COL7A1: variants seen among roughly 807,000 people sequenced by gnomAD.
COL7A1 encodes the protein collagen alpha-1(VII) chain.
A neutral mutation model predicts 456.2 loss-of-function variants in COL7A1; 296 were observed. The ratio of observed to expected loss-of-function variants is 0.65; its 90% CI spans 0.59 to 0.71. The LOEUF (loss-of-function observed/expected upper bound fraction) is 0.71, where lower values mean the gene tolerates loss of function less well. Among genes scored for constraint, COL7A1 ranks in the 30% least tolerant of loss-of-function variants. COL7A1 has a pLI of 0.00. For synonymous variants in COL7A1, 1,464 were observed against 1,525.9 expected (o/e 0.96, Z 0.95); for missense variants, 3,441 against 4,017.2 (o/e 0.86, Z 3.88).
rs2045276475 is a variant in COL7A1, at chr3:48,586,557, C to A, written c.3403+6G>T. On this transcript the variant is annotated splice_donor_region_variant and intron_variant, in intron 26 of 118. Transcript: ENST00000681320. This position sits in a 1 kb window ranked among gnomAD's most constrained non-coding sequence, Gnocchi z 5.1. ...CCCAGGAGTCCATGCCTGCTGCAGT[C>A]CTCACCCAGGTTGTTCCCACTTGGG... The A allele has an allele frequency of 1.2e-6, 2 of 1,613,742 alleles. No homozygotes were observed. Among genetic ancestry groups the A allele is most frequent in the Middle Eastern group, 1.6e-4 (1 of 6,062 alleles).
In COL7A1 at chr3:48,591,479, C is replaced by A; in HGVS notation, c.1621G>T (p.Val541Leu). ...TCCACCTCACCCTGGGTGCTGCGCA[C>A]AATGATGCGGTACTGGGTGGCACCA... ...VPGATQYRIIVRSTQGVERTL... is the reference protein window; with the variant it reads ...VPGATQYRIILRSTQGVERTL... The change falls in exon 13 of 119, where the codon GTG becomes TTG. Residue 541 changes from valine to leucine, a missense_variant. By Grantham distance (32) the Val-to-Leu change is conservative. Around this residue, in one of 3 missense-constraint regions of COL7A1, gnomAD observed 913 missense variants for 1,088.2 expected, o/e 0.84. Transcript: ENST00000681320. The surrounding 1 kb of genome is among the most constrained non-coding windows in gnomAD (Gnocchi z 7.0). 2 of 1,613,920 alleles carry A rather than the reference C, an allele frequency of 1.2e-6. No homozygotes were observed. Among genetic ancestry groups the A allele is most frequent in the Non-Finnish European group, 8.5e-7 (1 of 1,179,970 alleles).
chr3:48,565,369 G>C lies in COL7A1; in HGVS notation c.8527+41C>G. ...TCATGGACACCCATGTGCGTGTCTCGGCCCCACCCATAGCTGCCCCACGGG... is the reference window on the plus strand; with the variant it reads ...TCATGGACACCCATGTGCGTGTCTCCGCCCCACCCATAGCTGCCCCACGGG... On this transcript the variant is annotated intron_variant, in intron 116 of 118. Coordinates refer to ENST00000681320, the MANE Select transcript of COL7A1 (RefSeq NM_000094.4). This position sits in a 1 kb window ranked among gnomAD's most constrained non-coding sequence, Gnocchi z 4.5. 6.4e-7 allele frequency: 1 copy of C among 1,573,112 alleles called. No individual in the cohort carries two copies. Among genetic ancestry groups the C allele is most frequent in the Non-Finnish European group, 8.6e-7 (1 of 1,157,846 alleles).
At position 48,565,154 on chromosome 3, in the gene COL7A1, A is replaced by C; in HGVS notation, c.8575T>G (p.Ser2859Ala). 6.2e-7 allele frequency: 1 copy of C among 1,614,042 alleles called. No homozygotes were observed. The highest frequency in any genetic ancestry group is 1.7e-4 in the Middle Eastern group (1 of 6,060). Residue 2859 changes from serine to alanine, a missense_variant, in exon 117 of 119, where the codon TCT (serine) becomes GCT (alanine). Physicochemically the swap from Ser to Ala is moderately conservative, Grantham distance 99 (BLOSUM62 1). This residue lies in a region of COL7A1 where 2,084 missense variants were observed against 2,501.3 expected (regional missense o/e 0.83). Coordinates refer to ENST00000681320, the MANE Select transcript of COL7A1 (RefSeq NM_000094.4). The surrounding 1 kb of genome is among the most constrained non-coding windows in gnomAD (Gnocchi z 4.5). ...DDEYSEYSEY[S>A]VEEYQDPEAP... The stretch of plus-strand genomic sequence containing the variant: ...TCAGGGTCCTGGTACTCCTCCACAG[A>C]ATACTCGGAGTATTCAGAGTACTCA...
In COL7A1 at chr3:48,588,223, G is replaced by C; in HGVS notation, c.2710+59C>G. ...CATCACTGTCCTCGCCTACCTTGCG[G>C]AGTCTGCCACAGCCCTGCCCCCAAT... On this transcript the variant is annotated intron_variant, in intron 21 of 118. Coordinates refer to ENST00000681320, the MANE Select transcript of COL7A1 (RefSeq NM_000094.4). This position sits in a 1 kb window ranked among gnomAD's most constrained non-coding sequence, Gnocchi z 4.6. 1 of 1,611,918 alleles carries C rather than the reference G, an allele frequency of 6.2e-7. No homozygotes were observed. Among genetic ancestry groups the C allele is most frequent in the Non-Finnish European group, 8.5e-7 (1 of 1,179,682 alleles).
chr3:48,566,936 T>G lies in COL7A1; in HGVS notation c.8197A>C (p.Arg2733=). ...PPGPPGSVGP[R]GPEGLQGQKG... ...TGGCCCTGAAGTCCTTCGGGGCCTC[T>G]GGGACCAACACTGCCAGGTGGCCCT... The change falls in exon 111 of 119, where the codon AGA becomes CGA. Residue 2733 remains arginine (R), a synonymous_variant. Coordinates refer to ENST00000681320, the MANE Select transcript of COL7A1 (RefSeq NM_000094.4). This position sits in a 1 kb window ranked among gnomAD's most constrained non-coding sequence, Gnocchi z 5.9. The G allele has an allele frequency of 6.2e-7, 1 of 1,609,806 alleles. No individual in the cohort carries two copies. The highest frequency in any genetic ancestry group is 8.5e-7 in the Non-Finnish European group (1 of 1,177,130).
rs1056718888 is a variant in COL7A1, at chr3:48,590,602, A to G, written c.1781-18T>C. On this transcript the variant is annotated intron_variant, in intron 14 of 118. Transcript: ENST00000681320. The surrounding 1 kb of genome is among the most constrained non-coding windows in gnomAD (Gnocchi z 4.6). ...TTCCGGCTCTAGGAGTTACAGACAG[A>G]AGTCAGAAGTCAGAACCAGGACCAG... 1.9e-6 allele frequency: 3 copies of G among 1,613,964 alleles called. No individual in the cohort carries two copies. The African/African-American group carries it at 4.0e-5, about 22-fold the overall frequency.
In COL7A1 at chr3:48,579,776, C is replaced by T. The variant is rs1196200077; in HGVS notation, c.5154+9G>A. 2 of 1,614,066 alleles carry T rather than the reference C, an allele frequency of 1.2e-6. No individual in the cohort carries two copies. Among genetic ancestry groups the T allele is most frequent in the Non-Finnish European group, 1.7e-6 (2 of 1,180,024 alleles). ...GTCTTTCTTACCCTCCACCCACAGA[C>T]CCTAATACCTTCTCTCTGGCTCCAG... On this transcript the variant is annotated intron_variant, in intron 58 of 118. Coordinates refer to ENST00000681320, the MANE Select transcript of COL7A1 (RefSeq NM_000094.4). This position sits in a 1 kb window ranked among gnomAD's most constrained non-coding sequence, Gnocchi z 4.4.
Position 48,567,814 on chromosome 3 carries a change from C to A in COL7A1, c.7929+24G>T, listed in dbSNP as rs765926458. On this transcript the variant is annotated intron_variant, in intron 107 of 118. Coordinates refer to ENST00000681320, the MANE Select transcript of COL7A1 (RefSeq NM_000094.4). The surrounding 1 kb of genome is among the most constrained non-coding windows in gnomAD (Gnocchi z 4.3). Reference sequence around the variant, plus strand: ...GCCTTAGGCCCCAGGCCACGTAGCCCCCCAGCCCCCATCCCCTCTGTACCT... The same window carrying A: ...GCCTTAGGCCCCAGGCCACGTAGCCACCCAGCCCCCATCCCCTCTGTACCT... 6.2e-7 allele frequency: 1 copy of A among 1,614,150 alleles called. No homozygotes were observed.
rs770409173 is a variant in COL7A1 at position 48,575,292 on chromosome 3, C to G, written c.6180+47G>C. 13 of 1,611,400 alleles carry G rather than the reference C, an allele frequency of 8.1e-6. No individual in the cohort carries two copies. The highest frequency in any genetic ancestry group is 1.1e-5 in the Non-Finnish European group (13 of 1,177,742). ...GCCAAGCCCATGGGGGGTCCCACCC[C>G]TCCCAACCCCTCTTCCCTCACTCTC... On this transcript the variant is annotated intron_variant, in intron 74 of 118. Transcript: ENST00000681320. This position sits in a 1 kb window ranked among gnomAD's most constrained non-coding sequence, Gnocchi z 6.3.
Position 48,583,962 on chromosome 3 carries a change from G to C in COL7A1, c.4225-9C>G, listed in dbSNP as rs373161985. ...CCTGGTCCAGGGGGACCCTGGGAGA[G>C]AACAGCAGGTCAGGGAATGAACAGG... On this transcript the variant is annotated splice_polypyrimidine_tract_variant and intron_variant, in intron 38 of 118. Coordinates refer to ENST00000681320, the MANE Select transcript of COL7A1 (RefSeq NM_000094.4). This position sits in a 1 kb window ranked among gnomAD's most constrained non-coding sequence, Gnocchi z 5.1. 3.8e-5 allele frequency: 62 copies of C among 1,613,940 alleles called. No individual in the cohort carries two copies. Among genetic ancestry groups the C allele is most frequent in the African/African-American group, 6.7e-5 (5 of 74,900 alleles).
Position 48,594,491 on chromosome 3 carries a change from G to A in COL7A1, c.143C>T (p.Ser48Phe). The change falls in exon 3 of 119, where the codon TCC becomes TTC. Residue 48 changes from serine to phenylalanine, a missense_variant. By Grantham distance (155) the Ser-to-Phe change is radical. Coordinates refer to ENST00000681320, the MANE Select transcript of COL7A1 (RefSeq NM_000094.4). This position sits in a 1 kb window ranked among gnomAD's most constrained non-coding sequence, Gnocchi z 5.5. ...CTCGCGGAAATTGCTGCGGCCAATG[G>A]ATGAGGAGCCATCCAGTAAGAACAC... is the stretch of plus-strand genomic sequence containing the variant. ...DIVFLLDGSSSIGRSNFREVR... is the reference protein window; with the variant it reads ...DIVFLLDGSSFIGRSNFREVR... 1 of 1,612,296 alleles carries A rather than the reference G, an allele frequency of 6.2e-7. No individual in the cohort carries two copies. Among genetic ancestry groups the A allele is most frequent in the East Asian group, 2.2e-5 (1 of 44,894 alleles).
At position 48,591,810 on chromosome 3, in the gene COL7A1, G is replaced by C; in HGVS notation, c.1370C>G (p.Pro457Arg). 6.2e-7 allele frequency: 1 copy of C among 1,614,138 alleles called. No homozygotes were observed. Among genetic ancestry groups the C allele is most frequent in the South Asian group, 1.1e-5 (1 of 91,084 alleles). ...ATCAGAGGGCAGTACCACCTTCTGCGGTGGCTCCAAGCCTGCAAGATAACA... is the reference window on the plus strand; with the variant it reads ...ATCAGAGGGCAGTACCACCTTCTGCCGTGGCTCCAAGCCTGCAAGATAACA... Reference protein sequence around the residue: ...EWRRETGLEPPQKVVLPSDVT... With the variant: ...EWRRETGLEPRQKVVLPSDVT... Residue 457 changes from proline to arginine, a missense_variant, in exon 12 of 119, where the codon CCG (proline) becomes CGG (arginine). Physicochemically the swap from Pro to Arg is moderately radical, Grantham distance 103. Coordinates refer to ENST00000681320, the MANE Select transcript of COL7A1 (RefSeq NM_000094.4). The surrounding 1 kb of genome is among the most constrained non-coding windows in gnomAD (Gnocchi z 7.0).
At position 48,583,222 on chromosome 3, in the gene COL7A1, G is replaced by A. The variant is rs1335718490; in HGVS notation, c.4438-51C>T. 1 of 1,610,058 alleles carries A rather than the reference G, an allele frequency of 6.2e-7. No homozygotes were observed. Among genetic ancestry groups the A allele is most frequent in the East Asian group, 2.2e-5 (1 of 44,714 alleles). On this transcript the variant is annotated intron_variant, in intron 42 of 118. Coordinates refer to ENST00000681320, the MANE Select transcript of COL7A1 (RefSeq NM_000094.4). This position sits in a 1 kb window ranked among gnomAD's most constrained non-coding sequence, Gnocchi z 5.1. ...CAGAGAGAGAGAGGGTTGGTGGCGG[G>A]GCTTGAACGTCAAACCCCAGACAAG...
In COL7A1 at chr3:48,581,268, C is replaced by A; in HGVS notation, c.4891G>T (p.Gly1631Ter). 1.2e-6 allele frequency: 2 copies of A among 1,613,432 alleles called. No homozygotes were observed. Among genetic ancestry groups the A allele is most frequent in the Non-Finnish European group, 1.7e-6 (2 of 1,179,826 alleles). ...PGPPGPVGPRGRDGEVGEKGD... is the reference protein window; with the variant it reads ...PGPPGPVGPR ...CGACTCCAGCCTCTTACATCTCGTC[C>A]TCGGGGGCCAACAGGTCCTGGGGGG... Residue 1631 changes from glycine (G) to a stop codon, truncating the protein, a stop_gained, in exon 52 of 119, where the codon GGA becomes TGA. Transcript: ENST00000681320. LOFTEE classifies it high-confidence loss of function. This position sits in a 1 kb window ranked among gnomAD's most constrained non-coding sequence, Gnocchi z 5.8.
In COL7A1 at chr3:48,575,617, T is replaced by C; in HGVS notation, c.5979+9A>G. 1 of 1,613,136 alleles carries C rather than the reference T, an allele frequency of 6.2e-7. No individual in the cohort carries two copies. Among genetic ancestry groups the C allele is most frequent in the Non-Finnish European group, 8.5e-7 (1 of 1,180,000 alleles). Reference sequence around the variant, plus strand: ...ACGGGGCACAACCCACTGAGCCACTTCTGCTCACCTCCTTGCCTGGGGGGC... The same window carrying C: ...ACGGGGCACAACCCACTGAGCCACTCCTGCTCACCTCCTTGCCTGGGGGGC... On this transcript the variant is annotated intron_variant, in intron 73 of 118. Transcript: ENST00000681320. This position sits in a 1 kb window ranked among gnomAD's most constrained non-coding sequence, Gnocchi z 6.3.
chr3:48,595,240 G>A (rs2046001924), intron 1 of COL7A1, 28 bp downstream of exon 1: 13 of 1,172,278 alleles, frequency 1.1e-5, no homozygotes, highest in East Asian at 2.6e-5. Context: ...CGAGCCCAGC[G>A]CCCCTCCAGC....
Position 48,580,460 on chromosome 3 carries a change from G to T in COL7A1, c.5053-116C>A. ...AGCCTTCAGATGCGTGTGTGCAGGGGTCAAAGGAAGTGAAGATTGGGAGGG... is the reference window on the plus strand; with the variant it reads ...AGCCTTCAGATGCGTGTGTGCAGGGTTCAAAGGAAGTGAAGATTGGGAGGG... On this transcript the variant is annotated intron_variant, in intron 55 of 118. Coordinates refer to ENST00000681320, the MANE Select transcript of COL7A1 (RefSeq NM_000094.4). This position sits in a 1 kb window ranked among gnomAD's most constrained non-coding sequence, Gnocchi z 4.5. The T allele has an allele frequency of 6.8e-7, 1 of 1,467,540 alleles. No homozygotes were observed. The highest frequency in any genetic ancestry group is 9.4e-7 in the Non-Finnish European group (1 of 1,062,008). 90.9% of individuals were successfully genotyped at this position (1,467,540 alleles called of 1,614,324 possible).
At position 48,569,390 on chromosome 3, in the gene COL7A1, C is replaced by T; in HGVS notation, c.7671G>A (p.Gly2557=). The part of the protein sequence containing the change: ...DGDKGPRGDN[G]DPGDKGSKGE... Reference sequence around the variant, plus strand: ...TTCCCTGTACCTTGTCACCAGGGTCCCCATTGTCTCCCCGAGGTCCTTTGT... The same window carrying T: ...TTCCCTGTACCTTGTCACCAGGGTCTCCATTGTCTCCCCGAGGTCCTTTGT... Residue 2557 remains glycine, a synonymous_variant, in exon 103 of 119, where the codon GGG becomes GGA. Coordinates refer to ENST00000681320, the MANE Select transcript of COL7A1 (RefSeq NM_000094.4). The surrounding 1 kb of genome is among the most constrained non-coding windows in gnomAD (Gnocchi z 4.9). 6.2e-7 allele frequency: 1 copy of T among 1,614,088 alleles called. No homozygotes were observed. Among genetic ancestry groups the T allele is most frequent in the South Asian group, 1.1e-5 (1 of 91,074 alleles).
rs1244072265 is a variant in COL7A1 at position 48,587,082 on chromosome 3, C to T, written c.3166G>A (p.Val1056Met). ...TCTTGAGTGGCATGTGGTAGGAACA[C>T]CACATCCGCCAGGCCACGGGGGCAC... ...PVCPRGLADV[V>M]FLPHATQDNA... The change falls in exon 25 of 119, where the codon GTG becomes ATG. Residue 1056 changes from valine (V) to methionine (M), a missense_variant. By Grantham distance (21) the Val-to-Met change is conservative (BLOSUM62 1). Transcript: ENST00000681320. The surrounding 1 kb of genome is among the most constrained non-coding windows in gnomAD (Gnocchi z 6.1). 8 of 1,611,776 alleles carry T rather than the reference C, an allele frequency of 5.0e-6. No homozygotes were observed. The highest frequency in any genetic ancestry group is 1.3e-5 in the African/African-American group (1 of 74,986).
Sources: allele counts gnomAD v4.1 joint callset, GRCh38; gene constraint gnomAD v4.1.1; regional missense constraint gnomAD v4.1.1; non-coding constraint Gnocchi (gnomAD v3.1); transcripts MANE v1.5; gene names NCBI Gene and HGNC (gene_info 2026-07-23, HGNC 2026-07-21).